Variants in WDR44 observed in about 807,000 individuals in gnomAD.
WDR44 encodes WD repeat domain 44.
A neutral mutation model predicts 65.7 loss-of-function variants in WDR44; 9 were observed. That is an observed-to-expected ratio of 0.14 (90% confidence interval 0.08 to 0.24). WDR44 has a LOEUF of 0.24. Among genes scored for constraint, WDR44 ranks in the 10% least tolerant of loss-of-function variants. The probability of loss-of-function intolerance (pLI) is 1.00; values close to 1 mark genes in which losing one functional copy is unlikely to be tolerated. For synonymous variants in WDR44, 220 were observed against 235.2 expected (o/e 0.94, Z 0.59); for missense variants, 425 against 670.9 (o/e 0.63, Z 4.05).
At chrX:118,445,718 T>A (rs1447696971) in intron 19 of WDR44, among the ~76,000 whole-genome samples, 2 of 112,267 alleles carry the variant, frequency 1.8e-5, no homozygotes, top group African/African-American at 6.5e-5. Flanking sequence ...GCAAGTAATA[T>A]TGAGTGCCAA....
intron 14 of WDR44, among the ~76,000 whole-genome samples, chrX:118,439,250 TAAAG>T (rs1302627135): frequency 9.2e-6 from 1 of 109,177 alleles, no homozygotes; most frequent in Non-Finnish European, 1.9e-5. Flanking sequence ...ATTATAATGT[TAAAG>T]GAAGAAAGGT....
chrX:118,393,926 A>T, intron 4 of WDR44, 129 bp from the exon 5 acceptor site: 1 of 580,451 alleles, frequency 1.7e-6, no homozygotes, highest in Non-Finnish European at 2.7e-6. Context: ...TGAGGAAATT[A>T]AATAACTTGT....
In WDR44 at chrX:118,398,480, A is replaced by G. The variant is rs377242220; in HGVS notation, c.1274+10A>G. ...GGTTAAAACAGAAAACGTGAGTTAC[A>G]GTACATCCCTTTTCTTCATTTCAAG... On this transcript the variant is annotated intron_variant, in intron 8 of 19. Transcript: ENST00000254029. 5.1e-6 allele frequency: 6 copies of G among 1,166,880 alleles called. No individual in the cohort carries two copies. The highest frequency in any genetic ancestry group is 3.0e-5 in the East Asian group (1 of 33,582).
intron 4 of WDR44, among the ~76,000 whole-genome samples, chrX:118,393,606 A>AG (rs1319923917): frequency 9.0e-6 from 1 of 110,826 alleles, no homozygotes; most frequent in African/African-American, 3.3e-5. Context: ...AAAAAAAAAA[A>AG]AGAGAGAAAT....
chrX:118,406,881 A>G lies in WDR44; in HGVS notation c.1388A>G (p.His463Arg). The change falls in exon 10 of 20, where the codon CAT becomes CGT. Residue 463 changes from histidine to arginine, a missense_variant. This residue lies in a region of WDR44 where 77 missense variants were observed against 183.5 expected (regional missense o/e 0.42). Transcript: ENST00000254029. ...CTGTTGCTTTTCTGTTCAGTGTTTC[A>G]TACTGATCAAGATGATCCTTCATCA... ...KVKSVRDEVFHTDQDDPSSSD... is the reference protein window; with the variant it reads ...KVKSVRDEVFRTDQDDPSSSD... 8.3e-7 allele frequency: 1 copy of G among 1,208,482 alleles called. No homozygotes were observed. The highest frequency in any genetic ancestry group is 1.1e-6 in the Non-Finnish European group (1 of 893,862).
chrX:118,427,027 A>G (rs1432324169), intron 12 of WDR44, among the ~76,000 whole-genome samples: 1 of 111,982 alleles, frequency 8.9e-6, no homozygotes, highest in Admixed American at 9.5e-5. Context: ...AATGGTCACA[A>G]TAAAACATAA....
intron 1 of WDR44, among the ~76,000 whole-genome samples, chrX:118,369,487 T>TTGA (rs2056590346): frequency 1.3e-4 from 12 of 93,517 alleles, no homozygotes; most frequent in East Asian, 6.8e-4. Context: ...TTTTTTTTTT[T>TTGA]GAAATGGAGT....
intron 5 of WDR44, among the ~76,000 whole-genome samples, chrX:118,394,764 G>T (rs1024868185): frequency 1.8e-5 from 2 of 111,301 alleles, no homozygotes; most frequent in Non-Finnish European, 1.9e-5. Context: ...CCTTAGAGCA[G>T]GGGTCAGTAG....
At chrX:118,407,833 G>C (rs1785165084) in intron 10 of WDR44, among the ~76,000 whole-genome samples, 2 of 112,008 alleles carry the variant, frequency 1.8e-5, no homozygotes, top group Admixed American at 1.9e-4. Context: ...ACACAAAGAA[G>C]GCAGTGATAA....
chrX:118,419,008 G>A lies in WDR44; in HGVS notation c.1737+8049G>A, dbSNP rs189591889. ...GGCCTCACCCAGCTCCCACACAAACGGAAGGGCCAGTCTCACTCCCACCAT... is the reference window on the plus strand; with the variant it reads ...GGCCTCACCCAGCTCCCACACAAACAGAAGGGCCAGTCTCACTCCCACCAT... On this transcript the variant is annotated intron_variant, in intron 12 of 19. Transcript: ENST00000254029. Among the ~76,000 whole-genome samples the A allele has an allele frequency of 2.6e-4, 29 of 111,031 alleles. No homozygotes were observed. The East Asian group carries it at 5.4e-3, about 21-fold the overall frequency.
chrX:118,438,555 C>T (rs1463524271), intron 14 of WDR44, among the ~76,000 whole-genome samples: 2 of 110,704 alleles, frequency 1.8e-5, no homozygotes, highest in South Asian at 3.8e-4. Flanking sequence ...GCCTCAGCTC[C>T]CCAGGTAGCT....
At chrX:118,359,051 G>C (rs1435285654) in intron 1 of WDR44, among the ~76,000 whole-genome samples, 1 of 103,379 alleles carries the variant, frequency 9.7e-6, no homozygotes, top group East Asian at 3.1e-4. Context: ...TCCAGCCTGG[G>C]CGACAGAGTG....
At position 118,441,511 on chromosome X, in the gene WDR44, T is replaced by C. The variant is rs1490943414; in HGVS notation, c.2118T>C (p.Tyr706=). 2.5e-6 allele frequency: 3 copies of C among 1,209,714 alleles called. No homozygotes were observed. In the South Asian group the frequency reaches 5.3e-5, roughly 21 times the overall value. ...TAANFCQNGK[Y]AVIGTYDGRC... ...CAAATTTCTGTCAGAATGGCAAATA[T>C]GCAGTGATTGGGACATATGATGGCA... is the stretch of plus-strand genomic sequence containing the variant. Residue 706 remains tyrosine, a synonymous_variant, in exon 15 of 20, where the codon TAT becomes TAC. Transcript: ENST00000254029.
intron 1 of WDR44, among the ~76,000 whole-genome samples, chrX:118,350,198 G>T (rs1175093058): frequency 1.8e-5 from 2 of 112,104 alleles, no homozygotes; most frequent in Non-Finnish European, 3.8e-5. Flanking sequence ...GCCTGTTGCA[G>T]CTAGAAGGGA....
chrX:118,361,572 C>T (rs1448356049), intron 1 of WDR44, among the ~76,000 whole-genome samples: 1 of 111,081 alleles, frequency 9.0e-6, no homozygotes, highest in Non-Finnish European at 1.9e-5. Context: ...GGTGAAACCC[C>T]ATCTTCTCAA....
intron 2 of WDR44, among the ~76,000 whole-genome samples, chrX:118,378,735 T>TGTGTGTGTGTGTGTGTGTGTGTGTGTG (rs1556057149): frequency 5.6e-5 from 6 of 106,432 alleles, no homozygotes; most frequent in Admixed American, 4.2e-4. Context: ...TGTGTGTGTG[T>TGTGTGTGTGTGTGTGTGTGTGTGTGTG]TGAAAAAGTG....
chrX:118,438,284 A>C (rs2057271315), intron 14 of WDR44, among the ~76,000 whole-genome samples: 1 of 111,969 alleles, frequency 8.9e-6, no homozygotes, highest in Non-Finnish European at 1.9e-5. Context: ...TACACACAAC[A>C]AAAGGATGGA....
intron 10 of WDR44, among the ~76,000 whole-genome samples, chrX:118,409,168 T>C (rs2056991950): frequency 9.0e-6 from 1 of 111,307 alleles, no homozygotes; most frequent in Non-Finnish European, 1.9e-5. Context: ...TCGCTTTTGT[T>C]GCCCAGGCTG....
chrX:118,425,140 G>T (rs998435134), intron 12 of WDR44, among the ~76,000 whole-genome samples: 3 of 111,536 alleles, frequency 2.7e-5, no homozygotes, highest in Non-Finnish European at 5.6e-5. Flanking sequence ...AAAAACAGCA[G>T]CAAGGGCAGC....
Sources: gnomAD v4.1 joint callset for allele counts (sites outside exome capture counted in the v4.1 genomes callset) on GRCh38, gnomAD v4.1.1 for gene constraint, gnomAD v4.1.1 regional missense constraint, MANE v1.5 for transcripts, NCBI Gene and HGNC (gene_info 2026-07-23, HGNC 2026-07-21) for gene names.